CPB2: variants seen among roughly 807,000 people sequenced by gnomAD.
CPB2 encodes the protein carboxypeptidase B2.
A neutral mutation model predicts 57.0 loss-of-function variants in CPB2; 54 were observed. The ratio of observed to expected loss-of-function variants is 0.95; its 90% CI spans 0.76 to 1.19. The LOEUF (loss-of-function observed/expected upper bound fraction) is 1.19, where lower values mean the gene tolerates loss of function less well. Ranked by LOEUF, CPB2 falls within the 50% of genes most tolerant of loss-of-function variation. CPB2 has a pLI of 0.00. For synonymous variants in CPB2, 189 were observed against 178.1 expected, an observed-to-expected ratio of 1.06 and a Z score of -0.49; for missense variants, 426 against 512.0, an observed-to-expected ratio of 0.83 and a Z score of 1.62.
chr13:46,059,110 G>A (rs935257765), intron 8 of CPB2, among the ~76,000 whole-genome samples: 1 of 152,212 alleles, frequency 6.6e-6, no homozygotes, highest in African/African-American at 2.4e-5. Context: ...AAGATAACTT[G>A]AAATCAATAC....
At chr13:46,097,978 G>A (rs1455396539) in intron 1 of CPB2, among the ~76,000 whole-genome samples, 5 of 152,190 alleles carry the variant, frequency 3.3e-5, no homozygotes, top group Non-Finnish European at 5.9e-5. Flanking sequence ...TCAGGAAGGC[G>A]AGGAGTTACC....
chr13:46,067,376 G>T lies in CPB2; in HGVS notation c.633C>A (p.Leu211=). Residue 211 remains leucine (L), a synonymous_variant, in exon 7 of 11, where the codon CTC becomes CTA. Coordinates refer to ENST00000181383, the MANE Select transcript of CPB2 (RefSeq NM_001872.5). ...TAACATAGAAATCCACAAGCCTCAG[G>T]AGATTGGTATATTGCCCTATTATCC... ...FYGIIGQYTN[L]LRLVDFYVMP... The T allele has an allele frequency of 6.3e-7, 1 of 1,594,538 alleles. No homozygotes were observed. The highest frequency in any genetic ancestry group is 8.6e-7 in the Non-Finnish European group (1 of 1,162,642).
chr13:46,067,753 C>T (rs2044878005), intron 6 of CPB2, among the ~76,000 whole-genome samples: 1 of 152,176 alleles, frequency 6.6e-6, no homozygotes, highest in African/African-American at 2.4e-5. Context: ...TAGTTTAGCT[C>T]CTTTTTCTGT....
chr13:46,094,010 T>A (rs2045331019), intron 1 of CPB2, among the ~76,000 whole-genome samples: 1 of 152,254 alleles, frequency 6.6e-6, no homozygotes, highest in South Asian at 2.1e-4. Context: ...CTCCTATTCT[T>A]GTATTTATTC....
intron 6 of CPB2, among the ~76,000 whole-genome samples, chr13:46,071,752 G>A (rs1043647201): frequency 7.2e-5 from 11 of 152,126 alleles, no homozygotes; most frequent in Non-Finnish European, 1.6e-4. Context: ...TCAGCACATG[G>A]TGATGTGAAA....
At chr13:46,066,173 T>C (rs916380196) in intron 7 of CPB2, among the ~76,000 whole-genome samples, 3 of 152,228 alleles carry the variant, frequency 2.0e-5, no homozygotes, top group Non-Finnish European at 2.9e-5. Context: ...ATCTTATTCC[T>C]CTTAGTATTT....
Position 46,078,839 on chromosome 13 carries a change from A to T in CPB2, c.447T>A (p.Ile149=). ...GTGGGTACTTCTCAAATGAGGATCCAATGTGGATTTTTGTAAGCATATCAG... is the reference window on the plus strand; with the variant it reads ...GTGGGTACTTCTCAAATGAGGATCCTATGTGGATTTTTGTAAGCATATCAG... The part of the protein sequence containing the change: ...RHPDMLTKIH[I]GSSFEKYPLY... The change falls in exon 5 of 11, where the codon ATT becomes ATA. Residue 149 remains isoleucine (I), a synonymous_variant. Coordinates refer to ENST00000181383, the MANE Select transcript of CPB2 (RefSeq NM_001872.5). 1 of 1,612,268 alleles carries T rather than the reference A, an allele frequency of 6.2e-7. No individual in the cohort carries two copies. The highest frequency in any genetic ancestry group is 8.5e-7 in the Non-Finnish European group (1 of 1,178,518).
At chr13:46,086,807 C>T (rs1461432783) in intron 2 of CPB2, among the ~76,000 whole-genome samples, 1 of 152,240 alleles carries the variant, frequency 6.6e-6, no homozygotes, top group African/African-American at 2.4e-5. Flanking sequence ...TGGCTTCCCT[C>T]CTGTGCTCGT....
intron 4 of CPB2, 63 bp downstream of exon 4, chr13:46,082,378 G>T: frequency 1.1e-6 from 1 of 904,928 alleles, no homozygotes. Flanking sequence ...ATATTCCCCT[G>T]ATTGAAATGG....
chr13:46,074,981 T>C (rs2045000307), intron 5 of CPB2, among the ~76,000 whole-genome samples: 1 of 152,180 alleles, frequency 6.6e-6, no homozygotes, highest in African/African-American at 2.4e-5. Context: ...TCATCTCCAG[T>C]TGCGTGGCCG....
chr13:46,053,732 T>C lies in CPB2; in HGVS notation c.1154A>G (p.Glu385Gly). 6.2e-7 allele frequency: 1 copy of C among 1,614,182 alleles called. No homozygotes were observed. The highest frequency in any genetic ancestry group is 8.5e-7 in the Non-Finnish European group (1 of 1,180,028). The part of the protein sequence containing the change: ...DLGIKYSFTI[E>G]LRDTGTYGFL... ...TCCGTATGTGCCCGTATCTCGAAGT[T>C]CAATTGTAAACGAATATTTGATGCC... The change falls in exon 11 of 11, where the codon GAA becomes GGA. Residue 385 changes from glutamate to glycine, a missense_variant. Glu to Gly is a moderately conservative substitution (Grantham distance 98). Coordinates refer to ENST00000181383, the MANE Select transcript of CPB2 (RefSeq NM_001872.5).
intron 6 of CPB2, among the ~76,000 whole-genome samples, chr13:46,069,547 C>T (rs541210616): frequency 9.2e-5 from 14 of 152,126 alleles, no homozygotes; most frequent in Non-Finnish European, 1.8e-4. Context: ...AACTTTCTGT[C>T]TCTGTGGATT....
At chr13:46,085,150 T>C (rs1472165024) in intron 2 of CPB2, among the ~76,000 whole-genome samples, 1 of 152,202 alleles carries the variant, frequency 6.6e-6, no homozygotes, top group Non-Finnish European at 1.5e-5. Flanking sequence ...ACACGTACTT[T>C]TTCAAAGCAC....
chr13:46,065,353 G>A (rs991527395), intron 7 of CPB2, among the ~76,000 whole-genome samples: 26 of 152,246 alleles, frequency 1.7e-4, no homozygotes, highest in African/African-American at 5.1e-4. Context: ...CAGGCCGGGC[G>A]CGGTGGCTCA....
At chr13:46,089,128 A>G (rs1205997282) in intron 1 of CPB2, among the ~76,000 whole-genome samples, 1 of 150,214 alleles carries the variant, frequency 6.7e-6, no homozygotes, top group Non-Finnish European at 1.5e-5. Flanking sequence ...GGTTGGGTGC[A>G]GTGTAAAGAA....
At chr13:46,104,252 AATAAG>A (rs1345369815) in intron 1 of CPB2, among the ~76,000 whole-genome samples, 1 of 152,254 alleles carries the variant, frequency 6.6e-6, no homozygotes, top group African/African-American at 2.4e-5. Context: ...AAGGGGAAAA[AATAAG>A]ATAATTCCAA....
At chr13:46,068,225 A>C (rs1437853478) in intron 6 of CPB2, among the ~76,000 whole-genome samples, 1 of 152,228 alleles carries the variant, frequency 6.6e-6, no homozygotes, top group Non-Finnish European at 1.5e-5. Flanking sequence ...TATTTAATTT[A>C]GTTTATAATT....
intron 7 of CPB2, among the ~76,000 whole-genome samples, chr13:46,066,704 G>T (rs952352383): frequency 5.9e-5 from 9 of 151,908 alleles, no homozygotes; most frequent in East Asian, 1.9e-4. Flanking sequence ...GCTTAGCCAG[G>T]CATGGTGGCA....
Position 46,079,551 on chromosome 13 carries a change from A to AAG in CPB2, c.385-651_385-650insCT, listed in dbSNP as rs1555309761. Among the ~76,000 whole-genome samples, 318 of 124,744 alleles carry AAG rather than the reference A, an allele frequency of 2.5e-3. 3 individuals carry two copies. The highest frequency in any genetic ancestry group is 7.0e-3 in the African/African-American group (210 of 29,802). The allele number at this position is 124,744 out of a possible 152,430, so 81.8% of individuals were successfully genotyped here. ...AGGAAAAAGCAAAAAAAAAAAAAAA[A>AAG]AAAAGAAAAGAAAAGAAAAGAAAAA... On this transcript the variant is annotated intron_variant, in intron 4 of 10. Coordinates refer to ENST00000181383, the MANE Select transcript of CPB2 (RefSeq NM_001872.5).
Sources: gnomAD v4.1 joint callset for allele counts (sites outside exome capture counted in the v4.1 genomes callset) on GRCh38, gnomAD v4.1.1 for gene constraint, MANE v1.5 for transcripts, NCBI Gene and HGNC (gene_info 2026-07-23, HGNC 2026-07-21) for gene names.